KRR1: variants seen among roughly 807,000 people sequenced by gnomAD.
KRR1 encodes KRR1 small subunit processome component.
In KRR1, 23 loss-of-function variants were observed where a neutral mutation model predicts 50.0. The ratio of observed to expected loss-of-function variants is 0.46; its 90% CI spans 0.33 to 0.65. The LOEUF (loss-of-function observed/expected upper bound fraction) is 0.65. KRR1 is among the 30% of genes least tolerant of loss of function. The pLI, the probability that KRR1 is intolerant of heterozygous loss-of-function variation, is 0.02. For missense variants in KRR1, 419 were observed against 442.4 expected (o/e 0.95, Z 0.47); for synonymous variants, 133 against 146.3 (o/e 0.91, Z 0.66).
At position 75,498,659 on chromosome 12, in the gene KRR1, T is replaced by A. The variant is rs201199874; in HGVS notation, c.*1150A>T. Reference sequence around the variant, plus strand: ...AAAACTCTCAACTGTGTCTACCCTTTTAATTTTTTTTCTTTCTTCCCCCTA... The same window carrying A: ...AAAACTCTCAACTGTGTCTACCCTTATAATTTTTTTTCTTTCTTCCCCCTA... On this transcript the variant is annotated 3_prime_UTR_variant, in exon 10 of 10. Transcript: ENST00000229214. 2 of 1,581,070 alleles carry A rather than the reference T, an allele frequency of 1.3e-6. No homozygotes were observed. Among genetic ancestry groups the A allele is most frequent in the Non-Finnish European group, 1.7e-6 (2 of 1,150,316 alleles).
In KRR1 at chr12:75,506,910, T is replaced by C. The variant is rs1288447103; in HGVS notation, c.265A>G (p.Asn89Asp). 6.3e-7 allele frequency: 1 copy of C among 1,592,846 alleles called. No individual in the cohort carries two copies. The highest frequency in any genetic ancestry group is 1.2e-5 in the South Asian group (1 of 86,832). ...VQKALNEHHV[N>D]ATLDLIEGSM... ...CCTTCGATCAGGTCCAGGGTTGCAT[T>C]AACATGCTACAGAAGGAAAGAGCAA... The change falls in exon 3 of 10, where the codon AAT becomes GAT. Residue 89 changes from asparagine to aspartate, a missense_variant. Asn to Asp is a conservative substitution (Grantham distance 23, BLOSUM62 1). Transcript: ENST00000229214.
At position 75,495,891 on chromosome 12, in the gene KRR1, A is replaced by G; in HGVS notation, c.*3918T>C. On this transcript the variant is annotated 3_prime_UTR_variant, in exon 10 of 10. Transcript: ENST00000229214. ...TCTAATTGGTCAAACAACAACAACAAAAAAAACTGTCAGAAACTGTAGACT... is the reference window on the plus strand; with the variant it reads ...TCTAATTGGTCAAACAACAACAACAGAAAAAACTGTCAGAAACTGTAGACT... The G allele has an allele frequency of 3.1e-6, 1 of 327,394 alleles. No individual in the cohort carries two copies. Among genetic ancestry groups the G allele is most frequent in the Non-Finnish European group, 5.5e-6 (1 of 180,464 alleles). The allele number at this position is 327,394 out of a possible 1,614,324, so 20.3% of individuals were successfully genotyped here.
Position 75,498,772 on chromosome 12 carries a change from A to C in KRR1, c.*1037T>G, listed in dbSNP as rs371118659. The C allele has an allele frequency of 1.0e-5, 16 of 1,606,160 alleles. No individual in the cohort carries two copies. Among genetic ancestry groups the C allele is most frequent in the Non-Finnish European group, 1.4e-5 (16 of 1,173,156 alleles). On this transcript the variant is annotated 3_prime_UTR_variant, in exon 10 of 10. Transcript: ENST00000229214. ...CATTAAGAGCTATGTGAATTCTGTC[A>C]GTGCATTATGAGGAACAATGTCTAA... is the stretch of plus-strand genomic sequence containing the variant.
In KRR1 at chr12:75,496,316, C is replaced by CTT. The variant is rs2046351532; in HGVS notation, c.*3492_*3493insAA. On this transcript the variant is annotated 3_prime_UTR_variant, in exon 10 of 10. Coordinates refer to ENST00000229214, the MANE Select transcript of KRR1 (RefSeq NM_007043.7). The stretch of plus-strand genomic sequence containing the variant: ...GTTGCAGTGAGCAGAGATTGTACCA[C>CTT]TGCACTCCAGCCTGGGTGACACAGT... 6.6e-6 allele frequency: 1 copy of CTT among 152,010 alleles called. No homozygotes were observed. The highest frequency in any genetic ancestry group is 1.5e-5 in the Non-Finnish European group (1 of 68,030). The allele number at this position is 152,010 out of a possible 1,614,324, so 9.4% of individuals were successfully genotyped here.
chr12:75,507,736 AC>A (rs2046429124), intron 2 of KRR1, among the ~76,000 whole-genome samples: 1 of 152,122 alleles, frequency 6.6e-6, no homozygotes, highest in African/African-American at 2.4e-5. Context: ...AAAAAAAGAT[AC>A]TTTTACCATG....
rs756758474 is a variant in KRR1, at chr12:75,511,567, T to C, written c.31A>G (p.Lys11Glu). 3.1e-6 allele frequency: 5 copies of C among 1,614,002 alleles called. No homozygotes were observed. In the Admixed American group the frequency reaches 8.3e-5, roughly 27 times the overall value. Residue 11 changes from lysine (K) to glutamate (E), a missense_variant, in exon 1 of 10, where the codon AAA becomes GAA. Physicochemically the swap from Lys to Glu is moderately conservative, Grantham distance 56. Coordinates refer to ENST00000229214, the MANE Select transcript of KRR1 (RefSeq NM_007043.7). Reference protein sequence around the residue: MASPSLERPEKGAGKSEFRNQ... With the variant: MASPSLERPEEGAGKSEFRNQ... Reference sequence around the variant, plus strand: ...CGAAATTCACTTTTTCCAGCGCCTTTTTCTGGCCGCTCCAGCGAGGGAGAC... The same window carrying C: ...CGAAATTCACTTTTTCCAGCGCCTTCTTCTGGCCGCTCCAGCGAGGGAGAC...
At position 75,498,577 on chromosome 12, in the gene KRR1, T is replaced by C; in HGVS notation, c.*1232A>G. 2.7e-6 allele frequency: 2 copies of C among 750,004 alleles called. No individual in the cohort carries two copies. The highest frequency in any genetic ancestry group is 2.2e-6 in the Non-Finnish European group (1 of 447,276). 46.5% of individuals were successfully genotyped at this position (750,004 alleles called of 1,614,324 possible). Reference sequence around the variant, plus strand: ...TGAATAATTAAACTTGGAAAGTCACTGCAATAAAGCCAAAGCAAGTTAATG... The same window carrying C: ...TGAATAATTAAACTTGGAAAGTCACCGCAATAAAGCCAAAGCAAGTTAATG... On this transcript the variant is annotated 3_prime_UTR_variant, in exon 10 of 10. Coordinates refer to ENST00000229214, the MANE Select transcript of KRR1 (RefSeq NM_007043.7).
Position 75,494,229 on chromosome 12 carries a change from T to C in KRR1, c.*5580A>G, listed in dbSNP as rs568880284. The C allele has an allele frequency of 2.0e-5, 3 of 152,298 alleles. No homozygotes were observed. The highest frequency in any genetic ancestry group is 3.9e-4 in the East Asian group (2 of 5,172). 9.4% of individuals were successfully genotyped at this position (152,298 alleles called of 1,614,324 possible). A position where few individuals can be genotyped will look rare whatever the true frequency, so the allele number is the denominator to read the frequency against. On this transcript the variant is annotated 3_prime_UTR_variant, in exon 10 of 10. Transcript: ENST00000229214. ...TGAGAGTTCTCAACTTTGGAGGTAA[T>C]TGTAGAGTGCTGGGGAGAGGAGGAC...
In KRR1 at chr12:75,498,612, A is replaced by G; in HGVS notation, c.*1197T>C. On this transcript the variant is annotated 3_prime_UTR_variant, in exon 10 of 10. Coordinates refer to ENST00000229214, the MANE Select transcript of KRR1 (RefSeq NM_007043.7). ...CCAAAGCAAGTTAATGGTCATAATTATAAGACTTAGCTTTTTAAAATAAAA... is the reference window on the plus strand; with the variant it reads ...CCAAAGCAAGTTAATGGTCATAATTGTAAGACTTAGCTTTTTAAAATAAAA... 1.8e-6 allele frequency: 2 copies of G among 1,134,650 alleles called. No individual in the cohort carries two copies. The highest frequency in any genetic ancestry group is 2.6e-6 in the Non-Finnish European group (2 of 755,278). 70.3% of individuals were successfully genotyped at this position (1,134,650 alleles called of 1,614,324 possible).
chr12:75,507,025 T>C (rs2046425735), intron 2 of KRR1, 109 bp from the exon 3 acceptor site: 3 of 845,224 alleles, frequency 3.5e-6, no homozygotes, highest in Admixed American at 6.9e-5. Context: ...TCAATTCCTA[T>C]CAATTACTTC....
In KRR1 at chr12:75,511,404, T is replaced by TAC; in HGVS notation, c.85+107_85+108dup. The TAC allele has an allele frequency of 3.1e-6, 3 of 965,528 alleles. No homozygotes were observed. In the Admixed American group the frequency reaches 5.7e-5, roughly 18 times the overall value. The allele number at this position is 965,528 out of a possible 1,614,324, so 59.8% of individuals were successfully genotyped here. A position where few individuals can be genotyped will look rare whatever the true frequency, so the allele number is the denominator to read the frequency against. ...ATCAGCGATTATTCAGGTACTCAAC[T>TAC]ACACAGTACAGGCTCCAGGTGGTTT... On this transcript the variant is annotated intron_variant, in intron 1 of 9. Coordinates refer to ENST00000229214, the MANE Select transcript of KRR1 (RefSeq NM_007043.7).
At chr12:75,511,373 A>T in intron 1 of KRR1, 140 bp downstream of exon 1, 1 of 728,658 alleles carries the variant, frequency 1.4e-6, no homozygotes. Context: ...GCCCAGCCAA[A>T]ATCTTATCAG....
intron 6 of KRR1, 76 bp from the exon 7 acceptor site, chr12:75,504,150 T>G: frequency 9.9e-7 from 1 of 1,010,200 alleles, no homozygotes. Flanking sequence ...TTATAAATAT[T>G]GCTTCTATAA....
chr12:75,510,669 G>A (rs1436371188), intron 1 of KRR1, among the ~76,000 whole-genome samples: 2 of 152,176 alleles, frequency 1.3e-5, no homozygotes, highest in African/African-American at 2.4e-5. Context: ...TCTGAGAGGT[G>A]CACGTAAGGG....
At chr12:75,511,017 T>C (rs2046445773) in intron 1 of KRR1, among the ~76,000 whole-genome samples, 1 of 152,182 alleles carries the variant, frequency 6.6e-6, no homozygotes, top group Non-Finnish European at 1.5e-5. Context: ...CGTCTAATAT[T>C]TTAGCATCTG....
Position 75,492,497 on chromosome 12 carries a change from AG to A in KRR1, c.*7311del, listed in dbSNP as rs1282166341. On this transcript the variant is annotated 3_prime_UTR_variant, in exon 10 of 10. Coordinates refer to ENST00000229214, the MANE Select transcript of KRR1 (RefSeq NM_007043.7). ...ATCAGGGTTACAGGACCCATCACTT[AG>A]AGTAGCTATGAAAGTGACAAGAGAA... 6.6e-6 allele frequency: 1 copy of A among 152,250 alleles called. No individual in the cohort carries two copies. The highest frequency in any genetic ancestry group is 2.4e-5 in the African/African-American group (1 of 41,460). The allele number at this position is 152,250 out of a possible 1,614,324, so 9.4% of individuals were successfully genotyped here.
chr12:75,505,524 A>G (rs2046418148), intron 5 of KRR1, among the ~76,000 whole-genome samples: 1 of 152,098 alleles, frequency 6.6e-6, no homozygotes, highest in Non-Finnish European at 1.5e-5. Flanking sequence ...TAGGAGGAAG[A>G]GGGCTGGAAT....
rs1325268276 is a variant in KRR1, at chr12:75,499,657, T to A, written c.*152A>T. On this transcript the variant is annotated 3_prime_UTR_variant, in exon 10 of 10. Coordinates refer to ENST00000229214, the MANE Select transcript of KRR1 (RefSeq NM_007043.7). ...TTTTTCAAAAAATACAATAATAATA[T>A]AATTTATAAAGAACACTCTTCTATG... 1 of 404,228 alleles carries A rather than the reference T, an allele frequency of 2.5e-6. No individual in the cohort carries two copies. Among genetic ancestry groups the A allele is most frequent in the Admixed American group, 4.2e-5 (1 of 23,546 alleles). The allele number at this position is 404,228 out of a possible 1,614,324, so 25.0% of individuals were successfully genotyped here.
At chr12:75,500,041 AGGCAGTTAACTT>A in intron 9 of KRR1, 90 bp from the exon 10 acceptor site, 1 of 1,013,438 alleles carries the variant, frequency 9.9e-7, no homozygotes, top group East Asian at 2.8e-5. Flanking sequence ...TATATGTTTA[AGGCAGTTAACTT>A]CAGAGTATTC....
Sources: gnomAD v4.1 joint callset for allele counts (sites outside exome capture counted in the v4.1 genomes callset) on GRCh38, gnomAD v4.1.1 for gene constraint, MANE v1.5 for transcripts, NCBI Gene and HGNC (gene_info 2026-07-23, HGNC 2026-07-21) for gene names.